Variants in PM20D2 observed in about 807,000 individuals in gnomAD.
The protein encoded by PM20D2 is peptidase M20 domain containing 2.
A neutral mutation model predicts 42.9 loss-of-function variants in PM20D2; 33 were observed. The observed-to-expected ratio is 0.77, with a 90% CI of 0.58 to 1.03. The LOEUF (loss-of-function observed/expected upper bound fraction) is 1.03, where lower values mean the gene tolerates loss of function less well. Ranked by LOEUF, PM20D2 falls within the 50% of genes least tolerant of loss-of-function variation. The pLI is 0.00. For missense variants in PM20D2, 548 were observed against 557.0 expected (o/e 0.98, Z 0.16); for synonymous variants, 250 against 228.2 (o/e 1.10, Z -0.86).
the PM20D2 span, among the ~76,000 whole-genome samples, chr6:89,102,765 G>C: frequency 6.8e-6 from 1 of 146,874 alleles, no homozygotes; most frequent in Admixed American, 6.7e-5. Flanking sequence ...TTATTTATTT[G>C]TTGTGAGACA....
chr6:89,143,738 T>C (rs1225613663), upstream of PM20D2, among the ~76,000 whole-genome samples: 2 of 152,220 alleles, frequency 1.3e-5, no homozygotes, highest in African/African-American at 4.8e-5. Flanking sequence ...TAAGAATTTA[T>C]GAGCTGACCA....
At chr6:89,107,103 T>C in the PM20D2 span, 1 of 1,449,348 alleles carries the variant, frequency 6.9e-7, no homozygotes, top group East Asian at 2.3e-5. Flanking sequence ...CATATATGTA[T>C]AAGCACGCAT....
chr6:89,138,010 C>G, the PM20D2 span, among the ~76,000 whole-genome samples: 1 of 150,590 alleles, frequency 6.6e-6, no homozygotes. Flanking sequence ...TTAATTTTGT[C>G]TTGTACTAAC....
At chr6:89,158,552 G>A (rs1172448382) in intron 5 of PM20D2, 92 bp downstream of exon 5, 8 of 1,408,050 alleles carry the variant, frequency 5.7e-6, no homozygotes, top group African/African-American at 1.5e-5. Flanking sequence ...TTGGGAGGTC[G>A]GGAGGTACTA....
At position 89,162,351 on chromosome 6, in the gene PM20D2, C is replaced by T; in HGVS notation, c.*88C>T. 3.8e-6 allele frequency: 5 copies of T among 1,304,220 alleles called. No homozygotes were observed. The highest frequency in any genetic ancestry group is 4.2e-6 in the Non-Finnish European group (4 of 955,164). 80.8% of individuals were successfully genotyped at this position (1,304,220 alleles called of 1,614,324 possible). On this transcript the variant is annotated 3_prime_UTR_variant, in exon 7 of 7. Coordinates refer to ENST00000275072, the MANE Select transcript of PM20D2 (RefSeq NM_001010853.3). ...AATGAAGGCATGCTTGTTTTTTAAT[C>T]TTAAAGGAGTAAAATTCTTTTTACC...
intron 6 of PM20D2, 29 bp downstream of exon 6, chr6:89,161,919 G>GCA (rs748401023): frequency 6.4e-7 from 1 of 1,551,816 alleles, no homozygotes; most frequent in Non-Finnish European, 8.9e-7. Context: ...GACTGTTTTG[G>GCA]CACACACACT....
Position 89,146,531 on chromosome 6 carries a change from C to T in PM20D2, c.387C>T (p.Ile129=). ...GIGHACGHNL[I]AEVGAAAALG... ...GCCACGCCTGCGGCCACAACCTCATCGCTGAGGTCGGGGCGGCGGCCGCGC... is the reference window on the plus strand; with the variant it reads ...GCCACGCCTGCGGCCACAACCTCATTGCTGAGGTCGGGGCGGCGGCCGCGC... The change falls in exon 1 of 7, where the codon ATC becomes ATT. Residue 129 remains isoleucine, a synonymous_variant. Coordinates refer to ENST00000275072, the MANE Select transcript of PM20D2 (RefSeq NM_001010853.3). 1 of 1,509,784 alleles carries T rather than the reference C, an allele frequency of 6.6e-7. No homozygotes were observed. The highest frequency in any genetic ancestry group is 8.8e-7 in the Non-Finnish European group (1 of 1,136,516). The allele number at this position is 1,509,784 out of a possible 1,614,324, so 93.5% of individuals were successfully genotyped here.
At chr6:89,116,632 G>A in the PM20D2 span, among the ~76,000 whole-genome samples, 2 of 152,068 alleles carry the variant, frequency 1.3e-5, no homozygotes, top group East Asian at 1.9e-4. Flanking sequence ...AAAATTAGCC[G>A]GGTGTGGTGG....
chr6:89,097,093 C>T, the PM20D2 span: 1 of 152,054 alleles, frequency 6.6e-6, no homozygotes. Context: ...TTGTTTCTTA[C>T]ATATGGGATC....
At chr6:89,149,126 G>T in intron 1 of PM20D2, 139 bp from the exon 2 acceptor site, 1 of 1,037,042 alleles carries the variant, frequency 9.6e-7, no homozygotes, top group South Asian at 1.8e-5. Flanking sequence ...TGCCCATTGC[G>T]TAAGCGTCAT....
chr6:89,117,000 G>C, the PM20D2 span, among the ~76,000 whole-genome samples: 1 of 150,918 alleles, frequency 6.6e-6, no homozygotes. Flanking sequence ...ATGAAGCCCA[G>C]TGAAATGAGA....
At chr6:89,098,292 T>C in the PM20D2 span, 11,263 of 267,800 alleles carry the variant, frequency 0.042, 984 homozygotes, top group African/African-American at 0.2. Flanking sequence ...TTTTAAAAAT[T>C]AGTTCCAGTT....
Position 89,162,296 on chromosome 6 carries a change from C to A in PM20D2, c.*33C>A. On this transcript the variant is annotated 3_prime_UTR_variant, in exon 7 of 7. Transcript: ENST00000275072. ...AGGGGCCACTTATAAATCAAGAAGA[C>A]GTGATGATTTTTTTCTTTTAATCTC... The A allele has an allele frequency of 1.9e-6, 3 of 1,561,872 alleles. No homozygotes were observed. Among genetic ancestry groups the A allele is most frequent in the Non-Finnish European group, 1.7e-6 (2 of 1,154,558 alleles).
At chr6:89,151,195 A>G (rs534008564) in intron 2 of PM20D2, among the ~76,000 whole-genome samples, 2 of 146,692 alleles carry the variant, frequency 1.4e-5, no homozygotes, top group South Asian at 2.1e-4. Context: ...TCAAGAATTC[A>G]TTTTTTTTTA....
the PM20D2 span, among the ~76,000 whole-genome samples, chr6:89,104,573 T>C: frequency 6.6e-6 from 1 of 151,544 alleles, no homozygotes; most frequent in Admixed American, 6.6e-5. Flanking sequence ...TTCTGCTCAC[T>C]ATATATTATC....
In PM20D2 at chr6:89,161,263, G is replaced by C. The variant is rs75886685; in HGVS notation, c.1049-520G>C. Reference sequence around the variant, plus strand: ...GCTGGCAACTGGATGTATGAGCATGGAACTTAGCAGAGACTGGGAAGAGAT... The same window carrying C: ...GCTGGCAACTGGATGTATGAGCATGCAACTTAGCAGAGACTGGGAAGAGAT... On this transcript the variant is annotated intron_variant, in intron 5 of 6. Coordinates refer to ENST00000275072, the MANE Select transcript of PM20D2 (RefSeq NM_001010853.3). Among the ~76,000 whole-genome samples, 687 of 152,302 alleles carry C rather than the reference G, an allele frequency of 4.5e-3. 18 individuals are homozygous for C. In the East Asian group the frequency reaches 0.061, roughly 14 times the overall value.
the PM20D2 span, among the ~76,000 whole-genome samples, chr6:89,111,310 T>C: frequency 1.3e-5 from 2 of 152,208 alleles, no homozygotes; most frequent in Non-Finnish European, 2.9e-5. Flanking sequence ...TTTGTTATGC[T>C]AGCTTTTAAA....
At chr6:89,116,327 T>G in the PM20D2 span, among the ~76,000 whole-genome samples, 1 of 152,244 alleles carries the variant, frequency 6.6e-6, no homozygotes, top group Non-Finnish European at 1.5e-5. Context: ...GGTTTTTTAA[T>G]TCTGCCCAAA....
chr6:89,102,478 AGAATATATTCTG>A, the PM20D2 span, among the ~76,000 whole-genome samples: 5 of 152,162 alleles, frequency 3.3e-5, no homozygotes, highest in Non-Finnish European at 7.3e-5. Context: ...ACATTGATGT[AGAATATATTCTG>A]GAATAAATTC....
Sources: allele counts gnomAD v4.1 joint callset (sites outside exome capture counted in the v4.1 genomes callset), GRCh38; gene constraint gnomAD v4.1.1; transcripts MANE v1.5; gene names NCBI Gene and HGNC (gene_info 2026-07-23, HGNC 2026-07-21).